Variants in NT5DC2 observed in about 807,000 individuals in gnomAD.
NT5DC2 encodes 5'-nucleotidase domain containing 2, also known as 5'-nucleotidase domain-containing protein 2.
NT5DC2 carries 41 observed loss-of-function variants against 70.0 expected under a neutral mutation model. That is an observed-to-expected ratio of 0.59 (90% CI 0.46 to 0.76). The LOEUF (loss-of-function observed/expected upper bound fraction) is 0.76. NT5DC2 is among the 30% of genes least tolerant of loss of function. The pLI is 0.00. For missense variants in NT5DC2, 705 were observed against 783.2 expected (o/e 0.90, Z 1.19); for synonymous variants, 299 against 310.4 (o/e 0.96, Z 0.39).
Position 52,529,323 on chromosome 3 carries a change from G to A in NT5DC2, c.244C>T (p.Pro82Ser), listed in dbSNP as rs376710546. 1 of 1,613,518 alleles carries A rather than the reference G, an allele frequency of 6.2e-7. No individual in the cohort carries two copies. Among genetic ancestry groups the A allele is most frequent in the East Asian group, 2.2e-5 (1 of 44,882 alleles). Residue 82 changes from proline (P) to serine (S), a missense_variant, in exon 2 of 14, where the codon CCC becomes TCC. Physicochemically the swap from Pro to Ser is moderately conservative, Grantham distance 74. Transcript: ENST00000422318. This position sits in a 1 kb window ranked among gnomAD's most constrained non-coding sequence, Gnocchi z 4.1. ...MRRLVHDLLP[P>S]EVCSLLNPAA... ...GGGTTCAGGAGACTGCAGACCTCGG[G>A]GGGCAGGAGGTCTAGAGGAAGGAGA...
upstream of NT5DC2, chr3:52,534,161 C>T (rs1022987489): frequency 1.3e-5 from 4 of 305,110 alleles, no homozygotes; most frequent in Middle Eastern, 1.0e-3. Context: ...ACCCCCCGGG[C>T]CCCCGGGTCC....
In NT5DC2 at chr3:52,527,301, T is replaced by C. The variant is rs2079291097; in HGVS notation, c.1112A>G (p.Tyr371Cys). The C allele has an allele frequency of 6.8e-6, 11 of 1,613,996 alleles. No individual in the cohort carries two copies. Among genetic ancestry groups the C allele is most frequent in the African/African-American group, 1.3e-5 (1 of 74,942 alleles). ...TCCCCAGATGGCCCTTACCTGCCGA[T>C]AGATCTTGCCCTTTTCCAAGCGGGT... The part of the protein sequence containing the change: ...RITRLEKGKI[Y>C]RQGNLFDFLR... The change falls in exon 10 of 14, where the codon TAT becomes TGT. Residue 371 changes from tyrosine to cysteine, a missense_variant. By Grantham distance (194) the Tyr-to-Cys change is radical (BLOSUM62 -2). Coordinates refer to ENST00000422318, the MANE Select transcript of NT5DC2 (RefSeq NM_001134231.2).
chr3:52,529,450 G>A lies in NT5DC2; in HGVS notation c.233-116C>T. 2.2e-6 allele frequency: 2 copies of A among 917,294 alleles called. No homozygotes were observed. The highest frequency in any genetic ancestry group is 3.3e-6 in the Non-Finnish European group (2 of 597,552). The allele number at this position is 917,294 out of a possible 1,614,324, so 56.8% of individuals were successfully genotyped here. A position where few individuals can be genotyped will look rare whatever the true frequency, so the allele number is the denominator to read the frequency against. ...GTGAGCCTCAGAAACGCCCCACAAT[G>A]GCACCTCTTATTCCAGTGCTGGAGA... On this transcript the variant is annotated intron_variant, in intron 1 of 13. Transcript: ENST00000422318. The surrounding 1 kb of genome is among the most constrained non-coding windows in gnomAD (Gnocchi z 4.1).
chr3:52,530,626 G>T (rs2079347296), intron 1 of NT5DC2, among the ~76,000 whole-genome samples: 1 of 152,078 alleles, frequency 6.6e-6, no homozygotes, highest in African/African-American at 2.4e-5. Flanking sequence ...GAGGCGAGAG[G>T]ATTGCTTGAA....
chr3:52,531,532 C>T lies in NT5DC2; in HGVS notation c.232+1974G>A, dbSNP rs1374347377. Among the ~76,000 whole-genome samples the T allele has an allele frequency of 6.6e-6, 1 of 152,002 alleles. No homozygotes were observed. Among genetic ancestry groups the T allele is most frequent in the Non-Finnish European group, 1.5e-5 (1 of 68,024 alleles). On this transcript the variant is annotated intron_variant, in intron 1 of 13. Coordinates refer to ENST00000422318, the MANE Select transcript of NT5DC2 (RefSeq NM_001134231.2). This position sits in a 1 kb window ranked among gnomAD's most constrained non-coding sequence, Gnocchi z 4.1. ...CTGCCCCTAAGGATGTTCCCAGGGG[C>T]CCAGGGGCAGACAGTCCTCCCAGGA...
At chr3:52,533,066 C>T (rs1239587366) in intron 1 of NT5DC2, among the ~76,000 whole-genome samples, 1 of 152,214 alleles carries the variant, frequency 6.6e-6, no homozygotes, top group East Asian at 1.9e-4. Context: ...CAACCGGTGT[C>T]CCCTTTGGTC....
rs957832559 is a variant in NT5DC2, at chr3:52,528,632, C to T, written c.548+5G>A. ...GGGGGTGGGGTTGGGGCAGAGCCGA[C>T]TGACCTGTAGGCTGTCCCCAGCTGC... is the stretch of plus-strand genomic sequence containing the variant. On this transcript the variant is annotated splice_donor_5th_base_variant and intron_variant, in intron 4 of 13. Coordinates refer to ENST00000422318, the MANE Select transcript of NT5DC2 (RefSeq NM_001134231.2). 4.4e-6 allele frequency: 7 copies of T among 1,578,958 alleles called. No individual in the cohort carries two copies. Among genetic ancestry groups the T allele is most frequent in the Non-Finnish European group, 6.0e-6 (7 of 1,162,806 alleles).
At chr3:52,528,102 C>G (rs1453960344) in intron 6 of NT5DC2, 29 bp from the exon 7 acceptor site, 2 of 1,612,798 alleles carry the variant, frequency 1.2e-6, no homozygotes, top group African/African-American at 1.3e-5. Context: ...AATGAGGGTA[C>G]AGCAGGGCCC....
At chr3:52,533,416 T>C (rs1222314626) in intron 1 of NT5DC2, 90 bp downstream of exon 1, 1 of 1,344,472 alleles carries the variant, frequency 7.4e-7, no homozygotes, top group Non-Finnish European at 9.9e-7. Context: ...CACTGGGTGT[T>C]TCCCCGGAGG....
Position 52,531,190 on chromosome 3 carries a change from G to T in NT5DC2, c.233-1856C>A, listed in dbSNP as rs1365733852. On this transcript the variant is annotated intron_variant, in intron 1 of 13. Transcript: ENST00000422318. The surrounding 1 kb of genome is among the most constrained non-coding windows in gnomAD (Gnocchi z 4.1). ...TTGGAGCCAAGTTCAGGGTGTGGGT[G>T]GGGGATCAGGTGTGGCTGGTTCCCC... Among the ~76,000 whole-genome samples, 2 of 152,246 alleles carry T rather than the reference G, an allele frequency of 1.3e-5. No homozygotes were observed. The highest frequency in any genetic ancestry group is 1.9e-4 in the East Asian group (1 of 5,200).
chr3:52,528,232 A>C lies in NT5DC2; in HGVS notation c.722T>G (p.Leu241Arg). The C allele has an allele frequency of 6.2e-7, 1 of 1,613,392 alleles. No homozygotes were observed. The highest frequency in any genetic ancestry group is 1.3e-5 in the African/African-American group (1 of 75,050). ...TTGGTCAAACTCCAGGCTGTGGCCC[A>C]GAAAGTAGTCCACCACACAGGACAG... Reference protein sequence around the residue: ...ALLSCVVDYFLGHSLEFDQAH... With the variant: ...ALLSCVVDYFRGHSLEFDQAH... Residue 241 changes from leucine to arginine, a missense_variant, in exon 6 of 14, where the codon CTG becomes CGG. By Grantham distance (102) the Leu-to-Arg change is moderately radical. Transcript: ENST00000422318.
chr3:52,526,684 G>A (rs1489549709), intron 10 of NT5DC2, among the ~76,000 whole-genome samples: 1 of 152,216 alleles, frequency 6.6e-6, no homozygotes, highest in Non-Finnish European at 1.5e-5. Flanking sequence ...TTTGAAGACA[G>A]GGTCTTGCAT....
Position 52,524,623 on chromosome 3 carries a change from C to G in NT5DC2, c.1521G>C (p.Met507Ile). ...RRLVRFSDLY[M>I]ASLSCLLNYR... Reference sequence around the variant, plus strand: ...AGTTGAGCAGGCAGCTGAGGGAGGCCATGTAGAGGTCAGAGAAGCGCACGA... The same window carrying G: ...AGTTGAGCAGGCAGCTGAGGGAGGCGATGTAGAGGTCAGAGAAGCGCACGA... The change falls in exon 14 of 14, where the codon ATG becomes ATC. Residue 507 changes from methionine (M) to isoleucine (I), a missense_variant. Physicochemically the swap from Met to Ile is conservative, Grantham distance 10. Coordinates refer to ENST00000422318, the MANE Select transcript of NT5DC2 (RefSeq NM_001134231.2). 1 of 1,613,136 alleles carries G rather than the reference C, an allele frequency of 6.2e-7. No homozygotes were observed. The highest frequency in any genetic ancestry group is 8.5e-7 in the Non-Finnish European group (1 of 1,180,020).
Position 52,528,346 on chromosome 3 carries a change from G to A in NT5DC2, c.643-35C>T, listed in dbSNP as rs372686433. The A allele has an allele frequency of 8.7e-6, 14 of 1,613,040 alleles. 1 individual carries two copies. The Admixed American group carries it at 2.2e-4, about 25-fold the overall frequency. ...GGGCCATTGTCTCAGACACCCTTTG[G>A]GACCCCAACCCCTTCAGTGCTGGAG... is the stretch of plus-strand genomic sequence containing the variant. On this transcript the variant is annotated intron_variant, in intron 5 of 13. Coordinates refer to ENST00000422318, the MANE Select transcript of NT5DC2 (RefSeq NM_001134231.2).
Position 52,528,168 on chromosome 3 carries a change from G to C in NT5DC2, c.771+15C>G. ...AGTCTTTCCTGCCATCCGAGGGCAG[G>C]CCCAGCATCCTCACCGTCACGTCCT... On this transcript the variant is annotated intron_variant, in intron 6 of 13. Transcript: ENST00000422318. 1 of 1,613,090 alleles carries C rather than the reference G, an allele frequency of 6.2e-7. No individual in the cohort carries two copies. The highest frequency in any genetic ancestry group is 8.5e-7 in the Non-Finnish European group (1 of 1,180,040).
At position 52,529,302 on chromosome 3, in the gene NT5DC2, T is replaced by G. The variant is rs1407580848; in HGVS notation, c.265A>C (p.Asn89His). The change falls in exon 2 of 14, where the codon AAC becomes CAC. Residue 89 changes from asparagine (N) to histidine (H), a missense_variant. Physicochemically the swap from Asn to His is moderately conservative, Grantham distance 68. Transcript: ENST00000422318. The surrounding 1 kb of genome is among the most constrained non-coding windows in gnomAD (Gnocchi z 4.1). ...LLPPEVCSLLNPAAIYANNEI... is the reference protein window; with the variant it reads ...LLPPEVCSLLHPAAIYANNEI... ...TTGTTGGCGTAGATGGCTGCTGGGT[T>G]CAGGAGACTGCAGACCTCGGGGGGC... 6.2e-7 allele frequency: 1 copy of G among 1,613,678 alleles called. No individual in the cohort carries two copies. The highest frequency in any genetic ancestry group is 1.3e-5 in the African/African-American group (1 of 74,882).
chr3:52,524,814 C>T lies in NT5DC2; in HGVS notation c.1412+3G>A. 1.2e-6 allele frequency: 2 copies of T among 1,612,564 alleles called. No individual in the cohort carries two copies. Among genetic ancestry groups the T allele is most frequent in the Non-Finnish European group, 1.7e-6 (2 of 1,179,970 alleles). ...GACTCCTGCCCTGGCCCCACCTGCT[C>T]ACCTCAGCTCCTGCCGCTCTTTCAT... On this transcript the variant is annotated splice_donor_region_variant and intron_variant, in intron 13 of 13. Transcript: ENST00000422318.
chr3:52,534,862 C>T (rs1575394861), upstream of NT5DC2: 17 of 602,102 alleles, frequency 2.8e-5, no homozygotes, highest in East Asian at 5.1e-4. Flanking sequence ...TGTGGCAGTC[C>T]ATGGCCTGGG....
In NT5DC2 at chr3:52,533,677, C is replaced by T. The variant is rs2079391014; in HGVS notation, c.61G>A (p.Gly21Arg). ...GGCGAGGACGAGGCGGCTCGCGGCC[C>T]GCCGTGGCCTCCGCACAGCAGCCAG... ...RRWLLCGGHGGPRAASSSPSC... is the reference protein window; with the variant it reads ...RRWLLCGGHGRPRAASSSPSC... Residue 21 changes from glycine (G) to arginine (R), a missense_variant, in exon 1 of 14, where the codon GGG becomes AGG. By Grantham distance (125) the Gly-to-Arg change is moderately radical. Coordinates refer to ENST00000422318, the MANE Select transcript of NT5DC2 (RefSeq NM_001134231.2). The T allele has an allele frequency of 1.8e-6, 2 of 1,116,882 alleles. No homozygotes were observed. The highest frequency in any genetic ancestry group is 1.7e-5 in the African/African-American group (1 of 60,254). The allele number at this position is 1,116,882 out of a possible 1,614,324, so 69.2% of individuals were successfully genotyped here. A position where few individuals can be genotyped will look rare whatever the true frequency, so the allele number is the denominator to read the frequency against.
Sources: gnomAD v4.1 joint callset for allele counts (sites outside exome capture counted in the v4.1 genomes callset) on GRCh38, gnomAD v4.1.1 for gene constraint, Gnocchi (gnomAD v3.1) non-coding constraint, MANE v1.5 for transcripts, NCBI Gene and HGNC (gene_info 2026-07-23, HGNC 2026-07-21) for gene names.